Variants in FAT4 observed in about 807,000 individuals in gnomAD.
FAT4 encodes the protein FAT atypical cadherin 4.
A neutral mutation model predicts 303.9 loss-of-function variants in FAT4; 84 were observed. The observed-to-expected ratio is 0.28, with a 90% CI of 0.23 to 0.33. The LOEUF (loss-of-function observed/expected upper bound fraction) is 0.33, where lower values mean the gene tolerates loss of function less well. FAT4 is among the 10% of genes least tolerant of loss of function. The pLI is 1.00. For synonymous variants in FAT4, 2,307 were observed against 2,298.8 expected, an observed-to-expected ratio of 1.00 and a Z score of -0.10; for missense variants, 6,005 against 6,146.8, an observed-to-expected ratio of 0.98 and a Z score of 0.77.
At chr4:125,409,938 A>G (rs929371555) in intron 5 of FAT4, among the ~76,000 whole-genome samples, 1 of 152,176 alleles carries the variant, frequency 6.6e-6, no homozygotes, top group African/African-American at 2.4e-5. Context: ...TGACAGGCAT[A>G]TCTATCTCAA....
chr4:125,420,496 T>G (rs1202361664), intron 7 of FAT4, among the ~76,000 whole-genome samples: 1 of 152,226 alleles, frequency 6.6e-6, no homozygotes, highest in Non-Finnish European at 1.5e-5. Context: ...ATATATTCAT[T>G]GTTTGCAGAT....
intron 2 of FAT4, among the ~76,000 whole-genome samples, chr4:125,322,054 CACCAGGACAGT>C (rs550099139): frequency 6.6e-6 from 1 of 152,290 alleles, no homozygotes; most frequent in East Asian, 1.9e-4. Context: ...TGACAGTGTA[CACCAGGACAGT>C]ATTAACTTTC....
At chr4:125,473,292 A>G (rs910675341) in intron 12 of FAT4, among the ~76,000 whole-genome samples, 2 of 152,094 alleles carry the variant, frequency 1.3e-5, no homozygotes, top group African/African-American at 4.8e-5. Context: ...CTTGGTCTCA[A>G]TGAAGTTTAC....
chr4:125,472,118 A>C (rs1726886231), intron 12 of FAT4, among the ~76,000 whole-genome samples: 1 of 150,350 alleles, frequency 6.7e-6, no homozygotes, highest in Non-Finnish European at 1.5e-5. Context: ...TTTATAATTC[A>C]CCCTAGATAA....
At chr4:125,386,300 C>T (rs541581804) in intron 2 of FAT4, among the ~76,000 whole-genome samples, 6 of 152,046 alleles carry the variant, frequency 3.9e-5, no homozygotes, top group Non-Finnish European at 7.4e-5. Context: ...TTTTTTGAGG[C>T]GGATTCTCAC....
At chr4:125,470,971 G>A (rs1726836984) in intron 12 of FAT4, among the ~76,000 whole-genome samples, 1 of 152,178 alleles carries the variant, frequency 6.6e-6, no homozygotes, top group Non-Finnish European at 1.5e-5. Flanking sequence ...TAAAGTGAGA[G>A]AAATGCAACT....
At chr4:125,459,491 C>T (rs1370969038) in intron 10 of FAT4, among the ~76,000 whole-genome samples, 2 of 152,010 alleles carry the variant, frequency 1.3e-5, no homozygotes, top group African/African-American at 4.8e-5. Flanking sequence ...AAGCTATTCC[C>T]ACTTTCCATG....
intron 8 of FAT4, among the ~76,000 whole-genome samples, chr4:125,434,697 T>A (rs1255276675): frequency 6.6e-6 from 1 of 152,162 alleles, no homozygotes; most frequent in East Asian, 1.9e-4. Flanking sequence ...GGTGCTTCTG[T>A]CTCATGAGGT....
chr4:125,397,459 A>T (rs1373740150), intron 2 of FAT4, among the ~76,000 whole-genome samples: 2 of 152,092 alleles, frequency 1.3e-5, no homozygotes, highest in African/African-American at 4.8e-5. Context: ...CTTAAAGGAA[A>T]TGGTGTCGAG....
intron 3 of FAT4, 36 bp downstream of exon 3, chr4:125,398,951 G>C (rs751029735): frequency 6.2e-7 from 1 of 1,605,998 alleles, no homozygotes; most frequent in African/African-American, 1.3e-5. Flanking sequence ...GTGAAACTTC[G>C]TAGTGCAGTG....
intron 2 of FAT4, among the ~76,000 whole-genome samples, chr4:125,395,119 T>A (rs1734116848): frequency 6.6e-6 from 1 of 152,100 alleles, no homozygotes; most frequent in African/African-American, 2.4e-5. Flanking sequence ...AGGATAACAC[T>A]TATCTATGCT....
intron 7 of FAT4, among the ~76,000 whole-genome samples, chr4:125,430,025 G>C (rs563726430): frequency 2.6e-5 from 4 of 152,162 alleles, no homozygotes; most frequent in South Asian, 2.1e-4. Context: ...GTGGGATGAG[G>C]GGGGAGGGAA....
At position 125,320,684 on chromosome 4, in the gene FAT4, A is replaced by G. The variant is rs774883256; in HGVS notation, c.4273A>G (p.Ile1425Val). 3.1e-6 allele frequency: 5 copies of G among 1,613,806 alleles called. No individual in the cohort carries two copies. The highest frequency in any genetic ancestry group is 1.3e-5 in the African/African-American group (1 of 74,918). ...TCCTCCTAGCTTTCCTCCTGGAGAT[A>G]TTTTCAAGTCTATTGTTGAGAACAT... ...DNPPSFPPGD[I>V]FKSIVENIPI... Residue 1425 changes from isoleucine to valine, a missense_variant, in exon 2 of 18, where the codon ATT becomes GTT. Coordinates refer to ENST00000394329, the MANE Select transcript of FAT4 (RefSeq NM_001291303.3).
At position 125,454,788 on chromosome 4, in the gene FAT4, G is replaced by A. The variant is rs1048590692; in HGVS notation, c.11800+1978G>A. Among the ~76,000 whole-genome samples, 7 of 152,282 alleles carry A rather than the reference G, an allele frequency of 4.6e-5. No homozygotes were observed. In the East Asian group the frequency reaches 5.8e-4, roughly 13 times the overall value. On this transcript the variant is annotated intron_variant, in intron 10 of 17. Coordinates refer to ENST00000394329, the MANE Select transcript of FAT4 (RefSeq NM_001291303.3). ...ATGGAGGTTGCAGTGAGCTGAGGTC[G>A]CGCCATTGCACTCCAGCCCAGGCCG...
In FAT4 at chr4:125,415,524, A is replaced by G. The variant is rs762512768; in HGVS notation, c.6561A>G (p.Gly2187=). 1.9e-6 allele frequency: 3 copies of G among 1,614,118 alleles called. No individual in the cohort carries two copies. Among genetic ancestry groups the G allele is most frequent in the East Asian group, 4.5e-5 (2 of 44,864 alleles). The change falls in exon 6 of 18, where the codon GGA becomes GGG. Residue 2187 remains glycine, a synonymous_variant. Transcript: ENST00000394329. ...CAGATGGAGATGAAGGCACAAATGG[A>G]CAGGTTCGCTATGGCATTGTTAATG... ...FAADGDEGTN[G]QVRYGIVNGN...
At chr4:125,332,011 C>CAT in intron 2 of FAT4, among the ~76,000 whole-genome samples, 1 of 152,258 alleles carries the variant, frequency 6.6e-6, no homozygotes, top group East Asian at 1.9e-4. Flanking sequence ...TAGCCTACTT[C>CAT]ATAGCTTCTT....
At chr4:125,444,733 C>T (rs1259932764) in intron 8 of FAT4, among the ~76,000 whole-genome samples, 1 of 151,952 alleles carries the variant, frequency 6.6e-6, no homozygotes, top group South Asian at 2.1e-4. Context: ...TTTGATTGAA[C>T]CTTGATCCTT....
At position 125,316,672 on chromosome 4, in the gene FAT4, C is replaced by T. The variant is rs754859570; in HGVS notation, c.261C>T (p.Thr87=). 3.1e-6 allele frequency: 5 copies of T among 1,613,548 alleles called. No homozygotes were observed. The highest frequency in any genetic ancestry group is 1.7e-5 in the Admixed American group (1 of 60,010). ...SHALFAINSS[T]GALYTTSTID... Reference sequence around the variant, plus strand: ...CCCTGTTTGCCATAAACAGTAGCACCGGAGCCCTGTACACCACCTCCACCA... The same window carrying T: ...CCCTGTTTGCCATAAACAGTAGCACTGGAGCCCTGTACACCACCTCCACCA... The change falls in exon 2 of 18, where the codon ACC becomes ACT. Residue 87 remains threonine, a synonymous_variant. Transcript: ENST00000394329. The surrounding 1 kb of genome is among the most constrained non-coding windows in gnomAD (Gnocchi z 5.7).
In FAT4 at chr4:125,439,742, T is replaced by G. The variant is rs184215010; in HGVS notation, c.7199+5317T>G. ...TTTTCTTGTGTTTCTTCAAGTTCTC[T>G]CTCTTCCTTGAACCATGTAGATATC... On this transcript the variant is annotated intron_variant, in intron 8 of 17. Coordinates refer to ENST00000394329, the MANE Select transcript of FAT4 (RefSeq NM_001291303.3). Among the ~76,000 whole-genome samples, 20 of 152,286 alleles carry G rather than the reference T, an allele frequency of 1.3e-4. No homozygotes were observed. The East Asian group carries it at 2.3e-3, about 18-fold the overall frequency.
Sources: allele counts gnomAD v4.1 joint callset (sites outside exome capture counted in the v4.1 genomes callset), GRCh38; gene constraint gnomAD v4.1.1; non-coding constraint Gnocchi (gnomAD v3.1); transcripts MANE v1.5; gene names NCBI Gene and HGNC (gene_info 2026-07-23, HGNC 2026-07-21).